OTOGL: variants seen among roughly 807,000 people sequenced by gnomAD.
OTOGL encodes the protein otogelin-like protein.
OTOGL carries 285 observed loss-of-function variants against 318.5 expected under a neutral mutation model. That is an observed-to-expected ratio of 0.89 (90% CI 0.81 to 0.99). The LOEUF (loss-of-function observed/expected upper bound fraction) is 0.99. Ranked by LOEUF, OTOGL falls within the 50% of genes least tolerant of loss-of-function variation. The pLI is 0.00. For synonymous variants in OTOGL, 987 were observed against 936.5 expected, an observed-to-expected ratio of 1.05 and a Z score of -0.99; for missense variants, 2,899 against 2,845.6, an observed-to-expected ratio of 1.02 and a Z score of -0.43.
At position 80,270,105 on chromosome 12, in the gene OTOGL, G is replaced by A. The variant is rs901849744; in HGVS notation, c.2469G>A (p.Gln823=). ...ELIPTPSGLC[Q]CSNGTVKCDE... ...TTAACTATTTATTTACTTCTAGCCA[G>A]TGTTCAAATGGGACTGTGAAATGTG... is the stretch of plus-strand genomic sequence containing the variant. The change falls in exon 23 of 59, where the codon CAG becomes CAA. Residue 823 remains glutamine (Q), a synonymous_variant. Transcript: ENST00000547103. The A allele has an allele frequency of 1.9e-6, 3 of 1,598,384 alleles. No individual in the cohort carries two copies. Among genetic ancestry groups the A allele is most frequent in the Non-Finnish European group, 2.6e-6 (3 of 1,167,420 alleles).
chr12:80,243,736 C>T (rs1398410060), intron 11 of OTOGL, among the ~76,000 whole-genome samples: 18 of 149,664 alleles, frequency 1.2e-4, no homozygotes, highest in South Asian at 8.4e-4. Context: ...GACAAAATGT[C>T]GAAGCCCTTA....
At chr12:80,266,229 ATACT>A (rs1243681544) in intron 20 of OTOGL, 2 of 533,826 alleles carry the variant, frequency 3.7e-6, no homozygotes, top group East Asian at 3.0e-5. Context: ...GAAGCTGAAA[ATACT>A]TACCATTTGG....
intron 1 of OTOGL, among the ~76,000 whole-genome samples, chr12:80,186,573 A>G (rs1417976092): frequency 6.6e-6 from 1 of 152,166 alleles, no homozygotes; most frequent in African/African-American, 2.4e-5. Context: ...TCAAATAAAG[A>G]ATAAATGCCT....
At chr12:80,279,393 A>G (rs190896410) in intron 26 of OTOGL, among the ~76,000 whole-genome samples, 19 of 151,596 alleles carry the variant, frequency 1.3e-4, no homozygotes, top group African/African-American at 4.6e-4. Context: ...TTCATCATGC[A>G]GGTAGTAGCA....
rs1172266813 is a variant in OTOGL at position 80,380,764 on chromosome 12, A to G, written c.*2716A>G. Reference sequence around the variant, plus strand: ...TTGGTTTGACCAAACTGCCTAGAATATATATGCCGTACAAACGCCTGTACA... The same window carrying G: ...TTGGTTTGACCAAACTGCCTAGAATGTATATGCCGTACAAACGCCTGTACA... On this transcript the variant is annotated 3_prime_UTR_variant, in exon 59 of 59. Transcript: ENST00000547103. The G allele has an allele frequency of 6.6e-6, 1 of 152,136 alleles. No individual in the cohort carries two copies. The highest frequency in any genetic ancestry group is 1.5e-5 in the Non-Finnish European group (1 of 67,990). The allele number at this position is 152,136 out of a possible 1,614,324, so 9.4% of individuals were successfully genotyped here.
At chr12:80,298,043 A>G (rs2137716779) in intron 27 of OTOGL, among the ~76,000 whole-genome samples, 1 of 152,302 alleles carries the variant, frequency 6.6e-6, no homozygotes, top group South Asian at 2.1e-4. Flanking sequence ...AAGAATGAAT[A>G]CATTTCATTC....
intron 1 of OTOGL, among the ~76,000 whole-genome samples, chr12:80,117,938 A>G (rs35858671): frequency 0.035 from 5,298 of 152,230 alleles, 109 homozygotes; most frequent in South Asian, 0.089. Context: ...TCAAAAACAC[A>G]TATTCTCCTT....
intron 4 of OTOGL, among the ~76,000 whole-genome samples, chr12:80,214,461 C>T (rs1877529695): frequency 6.6e-6 from 1 of 152,174 alleles, no homozygotes. Flanking sequence ...TCTGCTTGGA[C>T]TCTGCCCTCA....
At chr12:80,329,012 A>G (rs1887893736) in intron 36 of OTOGL, 39 bp from the exon 37 acceptor site, 1 of 1,529,052 alleles carries the variant, frequency 6.5e-7, no homozygotes, top group Non-Finnish European at 8.9e-7. Flanking sequence ...AATTTTATGC[A>G]AATACAGTTT....
At chr12:80,264,848 T>C (rs1882820111) in intron 19 of OTOGL, among the ~76,000 whole-genome samples, 153 bp from the exon 20 acceptor site, 2 of 151,818 alleles carry the variant, frequency 1.3e-5, no homozygotes, top group Non-Finnish European at 2.9e-5. Flanking sequence ...CAATATTATA[T>C]AAAAAAAACA....
intron 7 of OTOGL, among the ~76,000 whole-genome samples, chr12:80,223,780 GT>G (rs1395119005): frequency 2.0e-5 from 3 of 151,820 alleles, no homozygotes; most frequent in South Asian, 2.1e-4. Context: ...GGAATTGTTT[GT>G]TTTTTTCTTG....
Position 80,302,694 on chromosome 12 carries a change from T to C in OTOGL, c.3124T>C (p.Tyr1042His), listed in dbSNP as rs756270211. Reference sequence around the variant, plus strand: ...CTACCAGCTTTGGAAGGCTGGTTACTATATAGTAGTATACTTTCCAGAGAA... The same window carrying C: ...CTACCAGCTTTGGAAGGCTGGTTACCATATAGTAGTATACTTTCCAGAGAA... The part of the protein sequence containing the change: ...STYQLWKAGY[Y>H]IVVYFPEKDI... The change falls in exon 28 of 59, where the codon TAT becomes CAT. Residue 1042 changes from tyrosine (Y) to histidine (H), a missense_variant. By Grantham distance (83) the Tyr-to-His change is moderately conservative. Coordinates refer to ENST00000547103, the MANE Select transcript of OTOGL (RefSeq NM_001378609.3). 8 of 1,497,566 alleles carry C rather than the reference T, an allele frequency of 5.3e-6. No homozygotes were observed. Among genetic ancestry groups the C allele is most frequent in the Non-Finnish European group, 7.1e-6 (8 of 1,125,622 alleles). 92.8% of individuals were successfully genotyped at this position (1,497,566 alleles called of 1,614,324 possible).
At chr12:80,219,265 CCA>C (rs916861028) in intron 5 of OTOGL, among the ~76,000 whole-genome samples, 1 of 152,120 alleles carries the variant, frequency 6.6e-6, no homozygotes, top group Non-Finnish European at 1.5e-5. Context: ...GCATGCACCA[CCA>C]CACCCAGCTA....
intron 1 of OTOGL, among the ~76,000 whole-genome samples, chr12:80,165,977 A>G (rs1873804728): frequency 6.6e-6 from 1 of 152,182 alleles, no homozygotes; most frequent in Admixed American, 6.5e-5. Flanking sequence ...TAAAGCCAAT[A>G]TGTGAATTGA....
At chr12:80,263,272 C>T (rs1293654797) in intron 19 of OTOGL, among the ~76,000 whole-genome samples, 1 of 152,130 alleles carries the variant, frequency 6.6e-6, no homozygotes, top group African/African-American at 2.4e-5. Flanking sequence ...TACTCCTCCT[C>T]CTTCAACTAC....
rs1020022360 is a variant in OTOGL, at chr12:80,128,337, G to A, written c.-20+28732G>A. Among the ~76,000 whole-genome samples, 45 of 152,298 alleles carry A rather than the reference G, an allele frequency of 3.0e-4. No homozygotes were observed. The Middle Eastern group carries it at 0.01, about 35-fold the overall frequency. ...CCCTGTTTGCCTGGGTTTCAGCAGCGGAGGCTGCAGAACAGTGGATATTGG... is the reference window on the plus strand; with the variant it reads ...CCCTGTTTGCCTGGGTTTCAGCAGCAGAGGCTGCAGAACAGTGGATATTGG... On this transcript the variant is annotated intron_variant, in intron 1 of 58. Transcript: ENST00000547103.
At chr12:80,365,336 A>C (rs1592762098) in intron 52 of OTOGL, among the ~76,000 whole-genome samples, 1 of 152,084 alleles carries the variant, frequency 6.6e-6, no homozygotes. Context: ...AAATATTTAG[A>C]ATTGGTAGAG....
chr12:80,219,813 G>C lies in OTOGL; in HGVS notation c.236-1G>C. On this transcript the variant is annotated splice_acceptor_variant, in intron 5 of 58. Transcript: ENST00000547103. LOFTEE classifies it high-confidence loss of function. The stretch of plus-strand genomic sequence containing the variant: ...AACTTTTTTTTTTTTTTCCCCCTCA[G>C]GTTCTTGTCCTTATGAATGCCTTAA... 6.4e-7 allele frequency: 1 copy of C among 1,551,660 alleles called. No homozygotes were observed. Among genetic ancestry groups the C allele is most frequent in the Admixed American group, 1.7e-5 (1 of 57,208 alleles).
intron 20 of OTOGL, chr12:80,266,150 C>A: frequency 3.6e-6 from 1 of 274,100 alleles, no homozygotes; most frequent in Non-Finnish European, 6.9e-6. Context: ...ACTACAAGGG[C>A]AGAATTGAGT....
Sources: allele counts gnomAD v4.1 joint callset (sites outside exome capture counted in the v4.1 genomes callset), GRCh38; gene constraint gnomAD v4.1.1; transcripts MANE v1.5; gene names NCBI Gene and HGNC (gene_info 2026-07-23, HGNC 2026-07-21).